Variants in SMAD1 observed in about 807,000 individuals in gnomAD.
SMAD1 encodes the protein SMAD family member 1.
Under a neutral mutation model 41.6 loss-of-function variants are expected in SMAD1, and 6 were observed. The ratio of observed to expected loss-of-function variants is 0.14; its 90% CI spans 0.08 to 0.28. SMAD1 has a LOEUF of 0.28. SMAD1 is among the 10% of genes least tolerant of loss of function. The pLI, the probability that SMAD1 is intolerant of heterozygous loss-of-function variation, is 1.00. For missense variants in SMAD1, 379 were observed against 582.6 expected (o/e 0.65, Z 3.60); for synonymous variants, 206 against 203.2 (o/e 1.01, Z -0.12).
intron 1 of SMAD1, among the ~76,000 whole-genome samples, chr4:145,500,652 C>T (rs1159018807): frequency 1.3e-5 from 2 of 152,062 alleles, no homozygotes; most frequent in African/African-American, 4.8e-5. Context: ...GTTTCTAGTG[C>T]TTAGAATAGT....
chr4:145,546,988 A>G (rs1037110073), intron 5 of SMAD1, 64 bp downstream of exon 5: 14 of 1,246,958 alleles, frequency 1.1e-5, no homozygotes, highest in Non-Finnish European at 1.5e-5. Flanking sequence ...TCCAGAGCTG[A>G]CTTAAAATCA....
intron 1 of SMAD1, among the ~76,000 whole-genome samples, chr4:145,483,726 A>G (rs1728322681): frequency 6.6e-6 from 1 of 152,122 alleles, no homozygotes; most frequent in African/African-American, 2.4e-5. Context: ...GTCGTGAGAG[A>G]TGATTTTTCT....
chr4:145,547,619 G>A (rs1732320805), intron 5 of SMAD1, among the ~76,000 whole-genome samples: 1 of 152,296 alleles, frequency 6.6e-6, no homozygotes, highest in Admixed American at 6.5e-5. Context: ...AGCAGTATGA[G>A]TGAAACCATT....
At chr4:145,548,958 G>C (rs1437956944) in intron 5 of SMAD1, among the ~76,000 whole-genome samples, 1 of 152,076 alleles carries the variant, frequency 6.6e-6, no homozygotes, top group Non-Finnish European at 1.5e-5. Flanking sequence ...ACCCTGAGAA[G>C]GCCATAACAT....
Position 145,553,830 on chromosome 4 carries a change from T to A in SMAD1, c.1044T>A (p.Leu348=). The A allele has an allele frequency of 2.5e-6, 4 of 1,613,954 alleles. No individual in the cohort carries two copies. The highest frequency in any genetic ancestry group is 3.4e-6 in the Non-Finnish European group (4 of 1,179,796). The part of the protein sequence containing the change: ...YVGGEVYAEC[L]SDSSIFVQSR... ...GAGGGGAGGTGTATGCCGAATGCCT[T>A]AGTGACAGTAGCATCTTTGTGCAAA... The change falls in exon 6 of 7, where the codon CTT becomes CTA. Residue 348 remains leucine (L), a synonymous_variant. Coordinates refer to ENST00000302085, the MANE Select transcript of SMAD1 (RefSeq NM_005900.3).
At chr4:145,485,095 G>T (rs1578726978) in intron 1 of SMAD1, among the ~76,000 whole-genome samples, 1 of 152,056 alleles carries the variant, frequency 6.6e-6, no homozygotes, top group Non-Finnish European at 1.5e-5. Context: ...TTGAGACAGG[G>T]TCTCTCTGTG....
intron 1 of SMAD1, among the ~76,000 whole-genome samples, chr4:145,495,652 G>T: frequency 7.3e-6 from 1 of 136,810 alleles, no homozygotes; most frequent in African/African-American, 2.9e-5. Context: ...ACAGGGTCTT[G>T]CTATGTTGCC....
chr4:145,537,137 G>A (rs761592194), intron 2 of SMAD1, among the ~76,000 whole-genome samples: 1 of 152,152 alleles, frequency 6.6e-6, no homozygotes, highest in Non-Finnish European at 1.5e-5. Flanking sequence ...CTTAGGTCCT[G>A]TATCAGGAAA....
chr4:145,534,189 A>G (rs2126492683), intron 2 of SMAD1, among the ~76,000 whole-genome samples: 1 of 152,354 alleles, frequency 6.6e-6, no homozygotes, highest in African/African-American at 2.4e-5. Flanking sequence ...CTTCACAGCA[A>G]CAGTGAGAAA....
Position 145,514,456 on chromosome 4 carries a change from T to C in SMAD1, c.-158T>C. ...TTTGTAGGTGCTGACTGGGTTACTT[T>C]TTTAAACACTAGGAATGGTAATTTC... On this transcript the variant is annotated 5_prime_UTR_variant, in exon 2 of 7. Coordinates refer to ENST00000302085, the MANE Select transcript of SMAD1 (RefSeq NM_005900.3). The surrounding 1 kb of genome is among the most constrained non-coding windows in gnomAD (Gnocchi z 4.7). 2 of 673,872 alleles carry C rather than the reference T, an allele frequency of 3.0e-6. No individual in the cohort carries two copies. The highest frequency in any genetic ancestry group is 5.7e-5 in the East Asian group (2 of 35,138). 41.7% of individuals were successfully genotyped at this position (673,872 alleles called of 1,614,324 possible). A position where few individuals can be genotyped will look rare whatever the true frequency, so the allele number is the denominator to read the frequency against.
intron 3 of SMAD1, among the ~76,000 whole-genome samples, chr4:145,540,639 T>C (rs1353043204): frequency 6.6e-6 from 1 of 152,140 alleles, no homozygotes; most frequent in Admixed American, 6.5e-5. Flanking sequence ...TATCCTCTTT[T>C]TCTAGACATA....
intron 1 of SMAD1, among the ~76,000 whole-genome samples, chr4:145,500,192 C>T (rs1262905589): frequency 2.0e-5 from 3 of 152,172 alleles, no homozygotes; most frequent in Admixed American, 6.5e-5. Context: ...TACTTCGATC[C>T]CTGCGTCCTT....
chr4:145,506,290 G>C (rs1427817222), intron 1 of SMAD1, among the ~76,000 whole-genome samples: 1 of 152,120 alleles, frequency 6.6e-6, no homozygotes, highest in African/African-American at 2.4e-5. Context: ...TTTACTATTA[G>C]TTAAGAAAGT....
At chr4:145,530,933 A>G (rs1731283779) in intron 2 of SMAD1, among the ~76,000 whole-genome samples, 1 of 152,236 alleles carries the variant, frequency 6.6e-6, no homozygotes, top group Non-Finnish European at 1.5e-5. Flanking sequence ...CCTGTAAAAC[A>G]GAGATAACTG....
At chr4:145,556,483 G>A (rs1732845400) in intron 6 of SMAD1, among the ~76,000 whole-genome samples, 1 of 151,600 alleles carries the variant, frequency 6.6e-6, no homozygotes, top group African/African-American at 2.4e-5. Context: ...TCTTAAGACA[G>A]TCTCGCTCTG....
Position 145,542,533 on chromosome 4 carries a change from A to G in SMAD1, c.659-49A>G, listed in dbSNP as rs111738894. 3.7e-5 allele frequency: 41 copies of G among 1,096,374 alleles called. No individual in the cohort carries two copies. The African/African-American group carries it at 4.3e-4, about 11-fold the overall frequency. The allele number at this position is 1,096,374 out of a possible 1,614,324, so 67.9% of individuals were successfully genotyped here. A position where few individuals can be genotyped will look rare whatever the true frequency, so the allele number is the denominator to read the frequency against. On this transcript the variant is annotated intron_variant, in intron 3 of 6. Coordinates refer to ENST00000302085, the MANE Select transcript of SMAD1 (RefSeq NM_005900.3). The stretch of plus-strand genomic sequence containing the variant: ...ACAGAAGAGGATACGTGTTTTGAGC[A>G]TGTATGTTTACTAAGGGTTAAGAAA...
intron 2 of SMAD1, among the ~76,000 whole-genome samples, chr4:145,536,506 T>C (rs1296393031): frequency 6.6e-6 from 1 of 152,070 alleles, no homozygotes. Flanking sequence ...TCAAAATAGA[T>C]AAAGATATTT....
intron 3 of SMAD1, 60 bp from the exon 4 acceptor site, chr4:145,542,522 G>A (rs1578816044): frequency 1.5e-5 from 14 of 946,368 alleles, no homozygotes; most frequent in South Asian, 3.1e-5. Context: ...AAGAGGATAC[G>A]TGTTTTGAGC....
At chr4:145,531,864 T>C (rs1225210854) in intron 2 of SMAD1, among the ~76,000 whole-genome samples, 3 of 152,012 alleles carry the variant, frequency 2.0e-5, no homozygotes, top group Non-Finnish European at 4.4e-5. Flanking sequence ...GGCAAACATA[T>C]ATCAGAACTC....
Sources: allele counts gnomAD v4.1 joint callset (sites outside exome capture counted in the v4.1 genomes callset), GRCh38; gene constraint gnomAD v4.1.1; non-coding constraint Gnocchi (gnomAD v3.1); transcripts MANE v1.5; gene names NCBI Gene and HGNC (gene_info 2026-07-23, HGNC 2026-07-21).